DNAH1: variants seen among roughly 807,000 people sequenced by gnomAD.
DNAH1 encodes the protein dynein axonemal heavy chain 1.
DNAH1 carries 327 observed loss-of-function variants against 484.3 expected under a neutral mutation model. That is an observed-to-expected ratio of 0.68 (90% confidence interval 0.62 to 0.74). The LOEUF (loss-of-function observed/expected upper bound fraction) is 0.74, where lower values mean the gene tolerates loss of function less well. Among genes scored for constraint, DNAH1 ranks in the 30% least tolerant of loss-of-function variants. The pLI is 0.00. For synonymous variants in DNAH1, 2,192 were observed against 2,191.9 expected (o/e 1.00, Z 0.00); for missense variants, 5,052 against 5,546.8 (o/e 0.91, Z 2.83).
intron 12 of DNAH1, among the ~76,000 whole-genome samples, chr3:52,348,299 T>G (rs972159315): frequency 6.6e-6 from 1 of 152,200 alleles, no homozygotes. Flanking sequence ...GTGTTGGAAC[T>G]GCGATCTGAA....
At chr3:52,367,239 A>G (rs549159668) in intron 36 of DNAH1, among the ~76,000 whole-genome samples, 8 of 149,992 alleles carry the variant, frequency 5.3e-5, no homozygotes, top group Admixed American at 2.0e-4. Context: ...TTTTAGGGGA[A>G]GTGCACTGAG....
chr3:52,372,420 C>A (rs1319487733), intron 43 of DNAH1, 33 bp downstream of exon 43: 1 of 1,608,928 alleles, frequency 6.2e-7, no homozygotes, highest in Non-Finnish European at 8.5e-7. Context: ...CTCACCCCTG[C>A]ATCCTCCCAG....
intron 42 of DNAH1, 70 bp from the exon 43 acceptor site, chr3:52,372,157 T>G: frequency 1.2e-6 from 2 of 1,610,156 alleles, no homozygotes; most frequent in Non-Finnish European, 1.7e-6. Context: ...GCCTCCCACA[T>G]GGATGCAGGG....
intron 46 of DNAH1, among the ~76,000 whole-genome samples, chr3:52,376,208 G>A (rs772070352): frequency 1.9e-4 from 29 of 152,140 alleles, no homozygotes; most frequent in Non-Finnish European, 2.6e-4. Context: ...CCATGCCTGC[G>A]TTAGTGTCCA....
chr3:52,388,905 G>A lies in DNAH1; in HGVS notation c.9463G>A (p.Ala3155Thr). The change falls in exon 59 of 78, where the codon GCT (alanine) becomes ACT (threonine). Residue 3155 changes from alanine (A) to threonine (T), a missense_variant. Transcript: ENST00000420323. Reference protein sequence around the residue: ...NNISGDVLVAAGFVAYLGPFT... With the variant: ...NNISGDVLVATGFVAYLGPFT... ...CATCTCCGGCGATGTCCTGGTGGCCGCTGGCTTTGTGGCCTACCTGGGCCC... is the reference window on the plus strand; with the variant it reads ...CATCTCCGGCGATGTCCTGGTGGCCACTGGCTTTGTGGCCTACCTGGGCCC... 3 of 1,610,924 alleles carry A rather than the reference G, an allele frequency of 1.9e-6. No homozygotes were observed. Among genetic ancestry groups the A allele is most frequent in the Non-Finnish European group, 2.5e-6 (3 of 1,177,964 alleles).
Position 52,379,997 on chromosome 3 carries a change from C to T in DNAH1, c.7470C>T (p.Asp2490=), listed in dbSNP as rs1351608861. The stretch of plus-strand genomic sequence containing the variant: ...ATGAGGAGGACCGCAGCTGGTTCGA[C>T]CAGCTCCTCAAGCGCTGCATGGAGC... The part of the protein sequence containing the change: ...LVNEEDRSWF[D]QLLKRCMEQW... Residue 2490 remains aspartate, a synonymous_variant, in exon 48 of 78, where the codon GAC becomes GAT. Transcript: ENST00000420323. The surrounding 1 kb of genome is among the most constrained non-coding windows in gnomAD (Gnocchi z 4.4). 1 of 1,591,030 alleles carries T rather than the reference C, an allele frequency of 6.3e-7. No homozygotes were observed. The highest frequency in any genetic ancestry group is 8.6e-7 in the Non-Finnish European group (1 of 1,169,076).
intron 8 of DNAH1, 32 bp downstream of exon 8, chr3:52,332,426 G>A (rs773873663): frequency 1.1e-5 from 18 of 1,600,268 alleles, no homozygotes; most frequent in East Asian, 2.2e-5. Flanking sequence ...CCTATTCTGG[G>A]CATCACCTTC....
chr3:52,345,642 C>A lies in DNAH1; in HGVS notation c.1592C>A (p.Ser531Ter). Residue 531 changes from serine to a stop codon, truncating the protein, a stop_gained, in exon 10 of 78, where the codon TCG becomes TAG. Coordinates refer to ENST00000420323, the MANE Select transcript of DNAH1 (RefSeq NM_015512.5). LOFTEE classifies it high-confidence loss of function. ...GTGACCGCCATGTCCCTGTTCCACT[C>A]GAGCCTCTCCAAGTACAGCCACCTG... ...NKVTAMSLFH[S>*]SLSKYSHLEE... 1 of 1,610,914 alleles carries A rather than the reference C, an allele frequency of 6.2e-7. No individual in the cohort carries two copies. The highest frequency in any genetic ancestry group is 8.5e-7 in the Non-Finnish European group (1 of 1,178,716).
In DNAH1 at chr3:52,331,015, G is replaced by T. The variant is rs183575707; in HGVS notation, c.872-133G>T. On this transcript the variant is annotated intron_variant, in intron 6 of 77. Transcript: ENST00000420323. ...GGGCCCTGGCTCTGCTGGAGCAGAGGGGGGCATCCCAGCGGGAGAGACGCC... is the reference window on the plus strand; with the variant it reads ...GGGCCCTGGCTCTGCTGGAGCAGAGTGGGGCATCCCAGCGGGAGAGACGCC... The T allele has an allele frequency of 1.0e-3, 1,192 of 1,144,814 alleles. 17 individuals carry two copies. In the East Asian group the frequency reaches 0.029, roughly 28 times the overall value. The allele number at this position is 1,144,814 out of a possible 1,614,324, so 70.9% of individuals were successfully genotyped here. A position where few individuals can be genotyped will look rare whatever the true frequency, so the allele number is the denominator to read the frequency against.
Position 52,370,310 on chromosome 3 carries a change from A to C in DNAH1, c.6258+81A>C, listed in dbSNP as rs908747787. 7.0e-6 allele frequency: 11 copies of C among 1,569,120 alleles called. No individual in the cohort carries two copies. In the African/African-American group the frequency reaches 1.4e-4, roughly 19 times the overall value. On this transcript the variant is annotated intron_variant, in intron 39 of 77. Coordinates refer to ENST00000420323, the MANE Select transcript of DNAH1 (RefSeq NM_015512.5). ...CCTTGCTCTCTGGGGCCTGAAAGAG[A>C]GAATTGGATTGGTGCAACATGGTGC...
rs560569705 is a variant in DNAH1 at position 52,333,767 on chromosome 3, G to GT, written c.1286+1382dup. On this transcript the variant is annotated intron_variant, in intron 8 of 77. Transcript: ENST00000420323. Reference sequence around the variant, plus strand: ...TACTTCAAGCATGCACACAACCAATGTTTTTTTTTCATTTTCAGTACAGTA... The same window carrying GT: ...TACTTCAAGCATGCACACAACCAATGTTTTTTTTTTCATTTTCAGTACAGTA... 6.5e-3 allele frequency among the ~76,000 whole-genome samples: 974 copies of GT among 150,354 alleles called. 6 individuals are homozygous for GT. The highest frequency in any genetic ancestry group is 1.0e-2 in the Non-Finnish European group (673 of 67,530).
In DNAH1 at chr3:52,396,737, G is replaced by C. The variant is rs1332198992; in HGVS notation, c.11550G>C (p.Leu3850=). ...NIPYEFTDGD[L]RICISQLKMF... ...CCTATGAGTTCACGGATGGAGATCT[G>C]CGCATCTGCATCAGCCAGCTCAAGA... Residue 3850 remains leucine (L), a synonymous_variant, in exon 72 of 78, where the codon CTG becomes CTC. Coordinates refer to ENST00000420323, the MANE Select transcript of DNAH1 (RefSeq NM_015512.5). The C allele has an allele frequency of 1.9e-6, 3 of 1,613,740 alleles. No homozygotes were observed. The highest frequency in any genetic ancestry group is 2.2e-5 in the South Asian group (2 of 91,070).
rs776837416 is a variant in DNAH1 at position 52,386,158 on chromosome 3, A to G, written c.8626-2A>G. The G allele has an allele frequency of 5.6e-6, 9 of 1,611,410 alleles. No homozygotes were observed. The highest frequency in any genetic ancestry group is 1.3e-5 in the African/African-American group (1 of 74,878). On this transcript the variant is annotated splice_acceptor_variant, in intron 54 of 77. Transcript: ENST00000420323. LOFTEE classifies it high-confidence loss of function. ...GGACATCCCTATGTCTCCCATCCCC[A>G]GGTGGATACGGCCATCGCCGAGGAG...
intron 60 of DNAH1, 137 bp downstream of exon 60, chr3:52,389,723 C>A: frequency 9.6e-7 from 1 of 1,045,374 alleles, no homozygotes; most frequent in Non-Finnish European, 1.2e-6. Context: ...CTCCTGTGCC[C>A]AGCAAGAGGG....
chr3:52,394,569 C>CT lies in DNAH1; in HGVS notation c.10732dup (p.Ser3578PhefsTer28). ...GGGCTTGGCGAGACATCCTAGCACT[C>CT]TCGAACCTGCCAACCTTTTCCTCCT... is the stretch of plus-strand genomic sequence containing the variant. On this transcript the variant is annotated frameshift_variant, in exon 67 of 78. Transcript: ENST00000420323. LOFTEE classifies it high-confidence loss of function. 1 of 1,612,712 alleles carries CT rather than the reference C, an allele frequency of 6.2e-7. No individual in the cohort carries two copies. The highest frequency in any genetic ancestry group is 8.5e-7 in the Non-Finnish European group (1 of 1,179,200).
intron 52 of DNAH1, 55 bp downstream of exon 52, chr3:52,384,086 TG>T: frequency 6.7e-7 from 1 of 1,487,566 alleles, no homozygotes; most frequent in Non-Finnish European, 9.0e-7. Context: ...GCTTGGGGCA[TG>T]GGCTCAGGGT....
At chr3:52,378,267 A>G (rs1441997875) in intron 46 of DNAH1, among the ~76,000 whole-genome samples, 1 of 151,700 alleles carries the variant, frequency 6.6e-6, no homozygotes, top group Non-Finnish European at 1.5e-5. Flanking sequence ...CAGAGGTGGA[A>G]TGTTCAGGTT....
intron 6 of DNAH1, among the ~76,000 whole-genome samples, chr3:52,328,619 G>T (rs952747532): frequency 2.0e-5 from 3 of 152,258 alleles, no homozygotes; most frequent in African/African-American, 7.2e-5. Flanking sequence ...TCTTGGCCTT[G>T]TCAATAATCT....
At position 52,362,307 on chromosome 3, in the gene DNAH1, CA is replaced by C. The variant is rs1559530778; in HGVS notation, c.4981-80del. On this transcript the variant is annotated intron_variant, in intron 30 of 77. Coordinates refer to ENST00000420323, the MANE Select transcript of DNAH1 (RefSeq NM_015512.5). The surrounding 1 kb of genome is among the most constrained non-coding windows in gnomAD (Gnocchi z 5.1). ...GCTACAGCCAGGACAGGGGCATCAA[CA>C]GGGGACAAGGGGCCCACTCAGAGGA... 1.7e-6 allele frequency: 2 copies of C among 1,197,126 alleles called. No individual in the cohort carries two copies. The highest frequency in any genetic ancestry group is 1.5e-5 in the African/African-American group (1 of 66,448). 74.2% of individuals were successfully genotyped at this position (1,197,126 alleles called of 1,614,324 possible). A position where few individuals can be genotyped will look rare whatever the true frequency, so the allele number is the denominator to read the frequency against.
Sources: allele counts gnomAD v4.1 joint callset (sites outside exome capture counted in the v4.1 genomes callset), GRCh38; gene constraint gnomAD v4.1.1; non-coding constraint Gnocchi (gnomAD v3.1); transcripts MANE v1.5; gene names NCBI Gene and HGNC (gene_info 2026-07-23, HGNC 2026-07-21).